The following KLHL1 variants were observed in gnomAD, a reference collection of about 807,000 sequenced individuals.
The protein encoded by KLHL1 is kelch like family member 1.
A neutral mutation model predicts 77.7 loss-of-function variants in KLHL1; 47 were observed. That is an observed-to-expected ratio of 0.60 (90% CI 0.48 to 0.77). The LOEUF is 0.77. Among genes scored for constraint, KLHL1 ranks in the 30% least tolerant of loss-of-function variants. KLHL1 has a pLI of 0.00. For synonymous variants in KLHL1, 360 were observed against 325.2 expected (o/e 1.11, Z -1.15); for missense variants, 925 against 910.8 (o/e 1.02, Z -0.20).
At chr13:69,914,038 C>T (rs1272551401) in intron 4 of KLHL1, among the ~76,000 whole-genome samples, 2 of 152,166 alleles carry the variant, frequency 1.3e-5, no homozygotes, top group Non-Finnish European at 2.9e-5. Flanking sequence ...TTCTGGCCTA[C>T]ATTCTTTCCC....
intron 7 of KLHL1, among the ~76,000 whole-genome samples, chr13:69,741,755 G>C (rs781345360): frequency 1.3e-5 from 2 of 152,046 alleles, no homozygotes; most frequent in Non-Finnish European, 2.9e-5. Flanking sequence ...GTAAATCTTC[G>C]ATAAAACCTC....
chr13:70,017,868 T>C (rs965297882), intron 1 of KLHL1, among the ~76,000 whole-genome samples: 2 of 152,166 alleles, frequency 1.3e-5, no homozygotes, highest in African/African-American at 4.8e-5. Flanking sequence ...ATTCCAAAAA[T>C]TTAAGGGTGA....
At chr13:69,716,410 A>G (rs1351973583) in intron 9 of KLHL1, among the ~76,000 whole-genome samples, 1 of 152,172 alleles carries the variant, frequency 6.6e-6, no homozygotes, top group East Asian at 1.9e-4. Context: ...TTAGTGAAAA[A>G]AAAAATGATG....
intron 7 of KLHL1, among the ~76,000 whole-genome samples, chr13:69,757,847 C>T (rs1034769148): frequency 1.3e-5 from 2 of 151,058 alleles, no homozygotes; most frequent in Non-Finnish European, 2.9e-5. Context: ...ATCCCAGCTA[C>T]TCAGGAGGCT....
chr13:69,782,597 AGCAGCAAGGCT>A (rs1876285143), intron 7 of KLHL1, among the ~76,000 whole-genome samples: 1 of 152,208 alleles, frequency 6.6e-6, no homozygotes, highest in Admixed American at 6.5e-5. Context: ...ACTGCAAGGC[AGCAGCAAGGCT>A]AGGGGAGGGG....
chr13:69,859,052 C>T (rs1880033503), intron 5 of KLHL1, among the ~76,000 whole-genome samples: 1 of 152,120 alleles, frequency 6.6e-6, no homozygotes, highest in Admixed American at 6.6e-5. Flanking sequence ...TACTCTTTTC[C>T]TTTTCATTCA....
At chr13:69,819,015 A>G (rs964905485) in intron 6 of KLHL1, among the ~76,000 whole-genome samples, 1 of 152,226 alleles carries the variant, frequency 6.6e-6, no homozygotes, top group Non-Finnish European at 1.5e-5. Context: ...TTTCTTTCTC[A>G]AAGCCATAGG....
intron 3 of KLHL1, among the ~76,000 whole-genome samples, chr13:69,941,231 T>G (rs574916578): frequency 6.6e-6 from 1 of 151,782 alleles, no homozygotes; most frequent in Admixed American, 6.6e-5. Context: ...TTTAAGAAAA[T>G]CAAAACTGTA....
At chr13:69,721,197 G>C (rs1252403111) in intron 8 of KLHL1, among the ~76,000 whole-genome samples, 1 of 141,676 alleles carries the variant, frequency 7.1e-6, no homozygotes, top group Non-Finnish European at 1.5e-5. Context: ...CTTTGGAAAG[G>C]CTAGTCAGAA....
chr13:69,740,332 A>G, intron 8 of KLHL1, 62 bp downstream of exon 8: 1 of 1,148,738 alleles, frequency 8.7e-7, no homozygotes, highest in Non-Finnish European at 1.2e-6. Context: ...CTTATTTTTC[A>G]AATAATATTT....
At chr13:69,860,424 A>T (rs1368994516) in intron 5 of KLHL1, among the ~76,000 whole-genome samples, 1 of 151,984 alleles carries the variant, frequency 6.6e-6, no homozygotes, top group Non-Finnish European at 1.5e-5. Flanking sequence ...TTTTTAAAAA[A>T]CGAGCAAATT....
intron 1 of KLHL1, among the ~76,000 whole-genome samples, chr13:70,087,549 A>G (rs1162578730): frequency 6.6e-6 from 1 of 152,016 alleles, no homozygotes; most frequent in Non-Finnish European, 1.5e-5. Context: ...GACTTAAAAA[A>G]AAAAAAAAAG....
chr13:70,044,870 C>T (rs889111776), intron 1 of KLHL1, among the ~76,000 whole-genome samples: 8 of 152,162 alleles, frequency 5.3e-5, no homozygotes, highest in African/African-American at 1.7e-4. Context: ...AGTCAGCACA[C>T]CAGGAGTTAT....
At chr13:69,719,260 G>T in intron 9 of KLHL1, 109 bp downstream of exon 9, 1 of 782,212 alleles carries the variant, frequency 1.3e-6, no homozygotes, top group Non-Finnish European at 2.2e-6. Context: ...GTATCTCTAG[G>T]TGTTGAATTT....
intron 4 of KLHL1, among the ~76,000 whole-genome samples, chr13:69,905,494 G>C (rs143298983): frequency 0.01 from 1,565 of 151,718 alleles, 69 homozygotes; most frequent in Admixed American, 0.085. Flanking sequence ...TTAAATTATT[G>C]ATCAACTCCA....
In KLHL1 at chr13:69,732,466, T is replaced by G. The variant is rs186061708; in HGVS notation, c.1802+7928A>C. 3.1e-3 allele frequency among the ~76,000 whole-genome samples: 474 copies of G among 152,216 alleles called. 4 individuals carry two copies. Among genetic ancestry groups the G allele is most frequent in the Middle Eastern group, 6.8e-3 (2 of 294 alleles). ...TGATTTTTGAGGAGGAAGTACAAAC[T>G]TTTTAAGCTGTTGTCTCTCAGGTCT... On this transcript the variant is annotated intron_variant, in intron 8 of 10. Transcript: ENST00000377844.
intron 4 of KLHL1, among the ~76,000 whole-genome samples, chr13:69,933,898 G>A (rs1396209175): frequency 6.6e-6 from 1 of 151,798 alleles, no homozygotes; most frequent in Non-Finnish European, 1.5e-5. Context: ...CATATTTTGT[G>A]TCTCGGTATC....
At chr13:69,738,157 G>C (rs980279800) in intron 8 of KLHL1, among the ~76,000 whole-genome samples, 10 of 152,084 alleles carry the variant, frequency 6.6e-5, no homozygotes, top group East Asian at 1.9e-4. Context: ...TATGGAAAAG[G>C]GGCCTGACTG....
intron 1 of KLHL1, among the ~76,000 whole-genome samples, chr13:70,096,230 T>C (rs945555834): frequency 4.6e-5 from 7 of 152,066 alleles, no homozygotes; most frequent in Admixed American, 3.3e-4. Flanking sequence ...TGCTGGATTA[T>C]ATGGTAGTTC....
Sources: gnomAD v4.1 joint callset for allele counts (sites outside exome capture counted in the v4.1 genomes callset) on GRCh38, gnomAD v4.1.1 for gene constraint, MANE v1.5 for transcripts, NCBI Gene and HGNC (gene_info 2026-07-23, HGNC 2026-07-21) for gene names.